Variants in EXOC4 observed in about 807,000 individuals in gnomAD.
EXOC4 encodes exocyst complex component 4, also known as SEC8-like 1.
EXOC4 carries 71 observed loss-of-function variants against 107.2 expected under a neutral mutation model. The ratio of observed to expected loss-of-function variants is 0.66; its 90% CI spans 0.55 to 0.81. EXOC4 has a LOEUF of 0.81. Ranked by LOEUF, EXOC4 falls within the 30% of genes least tolerant of loss-of-function variation. The pLI, the probability that EXOC4 is intolerant of heterozygous loss-of-function variation, is 0.00. For missense variants in EXOC4, 1,108 were observed against 1,189.6 expected, an observed-to-expected ratio of 0.93 and a Z score of 1.01; for synonymous variants, 456 against 441.2, an observed-to-expected ratio of 1.03 and a Z score of -0.42.
Position 134,006,767 on chromosome 7 carries a change from G to C in EXOC4, c.2528-909G>C, listed in dbSNP as rs534127344. On this transcript the variant is annotated intron_variant, in intron 16 of 17. Coordinates refer to ENST00000253861, the MANE Select transcript of EXOC4 (RefSeq NM_021807.4). ...CTAGCATCCAAGAATAAGAAAGAAG[G>C]AAGAAACGTTTACTGAATTCCATTT... 1.6e-3 allele frequency among the ~76,000 whole-genome samples: 249 copies of C among 152,284 alleles called. 1 individual carries two copies. Among genetic ancestry groups the C allele is most frequent in the Middle Eastern group, 6.8e-3 (2 of 294 alleles).
At chr7:134,005,419 C>G (rs1253352762) in intron 16 of EXOC4, among the ~76,000 whole-genome samples, 2 of 152,150 alleles carry the variant, frequency 1.3e-5, no homozygotes, top group East Asian at 3.9e-4. Context: ...AGAAAACACA[C>G]ATACACAATG....
intron 9 of EXOC4, among the ~76,000 whole-genome samples, chr7:133,492,660 T>A (rs1369928101): frequency 6.6e-6 from 1 of 152,116 alleles, no homozygotes; most frequent in African/African-American, 2.4e-5. Context: ...CTTTTTTTTC[T>A]AGGCTTTCGT....
intron 17 of EXOC4, among the ~76,000 whole-genome samples, chr7:134,053,957 T>A (rs1200970305): frequency 6.6e-6 from 1 of 152,122 alleles, no homozygotes; most frequent in Non-Finnish European, 1.5e-5. Flanking sequence ...TTTTAATTAT[T>A]TTTTCTAAGA....
At chr7:133,587,494 A>G (rs1282364891) in intron 9 of EXOC4, among the ~76,000 whole-genome samples, 2 of 152,208 alleles carry the variant, frequency 1.3e-5, no homozygotes, top group Admixed American at 1.3e-4. Flanking sequence ...AAACTAAACT[A>G]GACGGGCCTT....
intron 9 of EXOC4, among the ~76,000 whole-genome samples, chr7:133,618,152 C>A (rs1328452602): frequency 2.6e-5 from 4 of 152,070 alleles, no homozygotes; most frequent in African/African-American, 4.8e-5. Flanking sequence ...ACCTTAATGA[C>A]TCCTGCCTTT....
intron 7 of EXOC4, among the ~76,000 whole-genome samples, chr7:133,402,881 ATT>A (rs956173651): frequency 0.019 from 2,134 of 114,826 alleles, 26 homozygotes; most frequent in African/African-American, 0.062. Context: ...AGAGCCTAAT[ATT>A]TTTTTTTTTT....
chr7:133,532,724 A>G (rs1800203265), intron 9 of EXOC4, among the ~76,000 whole-genome samples: 1 of 152,078 alleles, frequency 6.6e-6, no homozygotes, highest in East Asian at 1.9e-4. Context: ...ATTTATTCCA[A>G]TATAAAGATG....
chr7:133,256,982 A>G (rs1270796994), intron 1 of EXOC4, among the ~76,000 whole-genome samples: 2 of 152,242 alleles, frequency 1.3e-5, no homozygotes, highest in East Asian at 1.9e-4. Context: ...TGCAAGTATT[A>G]TATGATTTTT....
chr7:133,798,607 C>T (rs771254894), intron 10 of EXOC4, among the ~76,000 whole-genome samples: 4 of 152,150 alleles, frequency 2.6e-5, no homozygotes, highest in African/African-American at 4.8e-5. Context: ...CCTCATTTTA[C>T]AGATTAGGAG....
chr7:133,629,653 G>A (rs187024639), intron 9 of EXOC4, among the ~76,000 whole-genome samples: 47 of 151,810 alleles, frequency 3.1e-4, no homozygotes, highest in African/African-American at 1.1e-3. Context: ...CAATTCTCCT[G>A]CCTCAACCTC....
chr7:134,065,537 T>G lies in EXOC4; in HGVS notation c.*1009T>G, dbSNP rs973659091. 2 of 152,190 alleles carry G rather than the reference T, an allele frequency of 1.3e-5. No homozygotes were observed. The highest frequency in any genetic ancestry group is 4.8e-5 in the African/African-American group (2 of 41,410). The allele number at this position is 152,190 out of a possible 1,614,324, so 9.4% of individuals were successfully genotyped here. ...CACTGGACCTCACCATGTCCCCCGG[T>G]CACCAGTCCTCTTGCTGCCCATGGT... On this transcript the variant is annotated 3_prime_UTR_variant, in exon 18 of 18. Coordinates refer to ENST00000253861, the MANE Select transcript of EXOC4 (RefSeq NM_021807.4).
chr7:133,860,283 G>A (rs928840054), intron 11 of EXOC4, among the ~76,000 whole-genome samples: 12 of 152,152 alleles, frequency 7.9e-5, no homozygotes, highest in Admixed American at 5.9e-4. Context: ...ACACAGACTG[G>A]CTAATGTCGG....
At chr7:133,713,787 A>C (rs1794944256) in intron 10 of EXOC4, among the ~76,000 whole-genome samples, 1 of 152,102 alleles carries the variant, frequency 6.6e-6, no homozygotes, top group Non-Finnish European at 1.5e-5. Flanking sequence ...CTTGTGAAGA[A>C]GGTGCCTTGC....
At chr7:133,905,668 C>T (rs114815874) in intron 12 of EXOC4, among the ~76,000 whole-genome samples, 4 of 152,124 alleles carry the variant, frequency 2.6e-5, no homozygotes, top group African/African-American at 9.7e-5. Context: ...TAAGGAGGCT[C>T]TCTGCCTTGT....
intron 11 of EXOC4, among the ~76,000 whole-genome samples, chr7:133,862,917 C>A (rs974631043): frequency 5.3e-5 from 8 of 152,224 alleles, no homozygotes; most frequent in African/African-American, 1.7e-4. Context: ...GTATAGTTAT[C>A]AGTGTGAGAA....
At chr7:134,082,135 A>G in the EXOC4 span, among the ~76,000 whole-genome samples, 1 of 152,196 alleles carries the variant, frequency 6.6e-6, no homozygotes, top group Non-Finnish European at 1.5e-5. Context: ...GAATAAAATA[A>G]TGGCTACTCC....
intron 10 of EXOC4, among the ~76,000 whole-genome samples, chr7:133,734,557 C>T (rs1307107455): frequency 3.3e-5 from 5 of 151,756 alleles, no homozygotes; most frequent in Non-Finnish European, 7.4e-5. Context: ...GTATGCCTTC[C>T]AGAAACCCAG....
chr7:133,472,737 A>G (rs951379998), intron 7 of EXOC4, among the ~76,000 whole-genome samples: 79 of 152,264 alleles, frequency 5.2e-4, no homozygotes, highest in Middle Eastern at 3.4e-3. Context: ...CCAATGCAAG[A>G]TTTTTGTTGA....
intron 14 of EXOC4, among the ~76,000 whole-genome samples, chr7:133,953,219 G>A (rs562812285): frequency 6.6e-6 from 1 of 152,138 alleles, no homozygotes; most frequent in Non-Finnish European, 1.5e-5. Context: ...AAGCCAAGGT[G>A]GGCGGATCAC....
Sources: allele counts gnomAD v4.1 joint callset (sites outside exome capture counted in the v4.1 genomes callset), GRCh38; gene constraint gnomAD v4.1.1; transcripts MANE v1.5; gene names NCBI Gene and HGNC (gene_info 2026-07-23, HGNC 2026-07-21).